Variants in PFKFB2 observed in about 807,000 individuals in gnomAD.
PFKFB2 encodes the protein 6-phosphofructo-2-kinase/fructose-2,6-biphosphatase 2.
Under a neutral mutation model 68.0 loss-of-function variants are expected in PFKFB2, and 53 were observed. That is an observed-to-expected ratio of 0.78 (90% CI 0.63 to 0.98). PFKFB2 has a LOEUF of 0.98. Among genes scored for constraint, PFKFB2 ranks in the 50% least tolerant of loss-of-function variants. The pLI is 0.00. For synonymous variants in PFKFB2, 222 were observed against 227.6 expected, an observed-to-expected ratio of 0.98 and a Z score of 0.22; for missense variants, 451 against 642.0, an observed-to-expected ratio of 0.70 and a Z score of 3.22.
intron 2 of PFKFB2, chr1:207,045,031 TG>T (rs1410722631): frequency 2.4e-4 from 37 of 152,672 alleles, no homozygotes; most frequent in African/African-American, 8.2e-4. Context: ...TGAAATGTGC[TG>T]AAATACTGTA....
chr1:207,073,107 G>A lies in PFKFB2; in HGVS notation c.*736G>A. On this transcript the variant is annotated 3_prime_UTR_variant, in exon 15 of 15. Coordinates refer to ENST00000367080, the MANE Select transcript of PFKFB2 (RefSeq NM_006212.2). ...ATTCTGGAGCTTGCAAGTAGACATA[G>A]GGTGAGAGTTCTTGCCTCCTTTCAT... is the stretch of plus-strand genomic sequence containing the variant. 1.0e-6 allele frequency: 1 copy of A among 985,518 alleles called. No individual in the cohort carries two copies. The highest frequency in any genetic ancestry group is 1.2e-6 in the Non-Finnish European group (1 of 829,982). The allele number at this position is 985,518 out of a possible 1,614,324, so 61.0% of individuals were successfully genotyped here.
At chr1:207,079,125 A>G, downstream of PFKFB2, 2 of 947,432 alleles carry the variant, frequency 2.1e-6, no homozygotes, top group Middle Eastern at 4.7e-4. Context: ...TGGGAACTGG[A>G]CTTTGGGGGC....
At chr1:207,056,387 C>G (rs114605640) in intron 2 of PFKFB2, among the ~76,000 whole-genome samples, 1 of 149,708 alleles carries the variant, frequency 6.7e-6, no homozygotes, top group African/African-American at 2.5e-5. Context: ...TAGGATGCAC[C>G]TCTTACAGGG....
chr1:207,051,112 T>G, upstream of PFKFB2: 1 of 1,427,968 alleles, frequency 7.0e-7, no homozygotes. Flanking sequence ...CGCGAACTCT[T>G]TTAAAGTGAC....
chr1:207,064,125 G>A (rs1199970927), intron 7 of PFKFB2, among the ~76,000 whole-genome samples: 6 of 152,138 alleles, frequency 3.9e-5, no homozygotes, highest in African/African-American at 9.7e-5. Context: ...TGTGCTCTAG[G>A]TATTATCTGG....
At position 207,069,535 on chromosome 1, in the gene PFKFB2, C is replaced by A. The variant is rs374573264; in HGVS notation, c.1092+7C>A. On this transcript the variant is annotated splice_region_variant and intron_variant, in intron 11 of 14. Transcript: ENST00000367080. ...TCGATATCCTGGTGGGGAGGTAAGA[C>A]GCCCCTGTCATGTAAAGTGACTGCC... 1 of 1,566,816 alleles carries A rather than the reference C, an allele frequency of 6.4e-7. No homozygotes were observed. The highest frequency in any genetic ancestry group is 8.8e-7 in the Non-Finnish European group (1 of 1,137,012).
chr1:207,053,750 G>A (rs1316446970), intron 1 of PFKFB2, among the ~76,000 whole-genome samples: 1 of 152,022 alleles, frequency 6.6e-6, no homozygotes, highest in African/African-American at 2.4e-5. Flanking sequence ...CTAGGGAGAG[G>A]GTGCGGAGCA....
chr1:207,074,527 CG>C lies in PFKFB2; in HGVS notation c.*2159del. The stretch of plus-strand genomic sequence containing the variant: ...ATCACTGGCAACTGACTCCTGACCC[CG>C]GGTCCTTTACTCGTATGTCCCAAGT... On this transcript the variant is annotated 3_prime_UTR_variant, in exon 15 of 15. Transcript: ENST00000367080. 1 of 985,382 alleles carries C rather than the reference CG, an allele frequency of 1.0e-6. No individual in the cohort carries two copies. Among genetic ancestry groups the C allele is most frequent in the African/African-American group, 1.7e-5 (1 of 57,332 alleles). The allele number at this position is 985,382 out of a possible 1,614,324, so 61.0% of individuals were successfully genotyped here.
At position 207,075,494 on chromosome 1, in the gene PFKFB2, C is replaced by T. The variant is rs1002329817; in HGVS notation, c.*3123C>T. On this transcript the variant is annotated 3_prime_UTR_variant, in exon 15 of 15. Transcript: ENST00000367080. ...TTTCTCTCCTGGTCTTACTTGAATG[C>T]ATGTTGGTAATCTGTATACATTACT... 1 of 985,290 alleles carries T rather than the reference C, an allele frequency of 1.0e-6. No homozygotes were observed. The highest frequency in any genetic ancestry group is 1.2e-6 in the Non-Finnish European group (1 of 829,802). The allele number at this position is 985,290 out of a possible 1,614,324, so 61.0% of individuals were successfully genotyped here.
At chr1:207,062,759 T>G (rs755760587) in intron 4 of PFKFB2, 43 bp downstream of exon 4, 12 of 1,577,420 alleles carry the variant, frequency 7.6e-6, no homozygotes, top group Non-Finnish European at 9.5e-6. Flanking sequence ...AGCTCTTTCT[T>G]GGCCGTCATG....
Position 207,076,357 on chromosome 1 carries a change from T to G in PFKFB2, c.*3986T>G. 1.0e-6 allele frequency: 1 copy of G among 985,250 alleles called. No individual in the cohort carries two copies. Among genetic ancestry groups the G allele is most frequent in the Non-Finnish European group, 1.2e-6 (1 of 829,902 alleles). The allele number at this position is 985,250 out of a possible 1,614,324, so 61.0% of individuals were successfully genotyped here. On this transcript the variant is annotated 3_prime_UTR_variant, in exon 15 of 15. Transcript: ENST00000367080. ...AAAAGTATCCAGTAATCAGAAGAAT[T>G]GTATCTGGGTTATGTAATCTTATGC...
rs1683204636 is a variant in PFKFB2, at chr1:207,063,938, T to C, written c.507+109T>C. The C allele has an allele frequency of 1.3e-6, 1 of 746,140 alleles. No individual in the cohort carries two copies. The highest frequency in any genetic ancestry group is 2.4e-6 in the Non-Finnish European group (1 of 425,488). 46.2% of individuals were successfully genotyped at this position (746,140 alleles called of 1,614,324 possible). A position where few individuals can be genotyped will look rare whatever the true frequency, so the allele number is the denominator to read the frequency against. On this transcript the variant is annotated intron_variant, in intron 7 of 14. Transcript: ENST00000367080. The surrounding 1 kb of genome is among the most constrained non-coding windows in gnomAD (Gnocchi z 4.1). The stretch of plus-strand genomic sequence containing the variant: ...GTGTTGTTGGGGAGGGGTGTTTTCG[T>C]AATGAAAGAGAGAAATAGACATGTT...
At position 207,075,727 on chromosome 1, in the gene PFKFB2, T is replaced by C. The variant is rs142279758; in HGVS notation, c.*3356T>C. ...TCACTTGAGACCAGCCTGGGCAATATAGTGAGACCTCACCTCTAAAAAAGT... is the reference window on the plus strand; with the variant it reads ...TCACTTGAGACCAGCCTGGGCAATACAGTGAGACCTCACCTCTAAAAAAGT... On this transcript the variant is annotated 3_prime_UTR_variant, in exon 15 of 15. Coordinates refer to ENST00000367080, the MANE Select transcript of PFKFB2 (RefSeq NM_006212.2). 2.1e-6 allele frequency: 2 copies of C among 971,644 alleles called. No homozygotes were observed. Among genetic ancestry groups the C allele is most frequent in the Non-Finnish European group, 2.4e-6 (2 of 817,402 alleles). 60.2% of individuals were successfully genotyped at this position (971,644 alleles called of 1,614,324 possible).
chr1:207,061,097 CTT>C lies in PFKFB2; in HGVS notation c.86-854_86-853del, dbSNP rs1371637701. On this transcript the variant is annotated intron_variant, in intron 2 of 14. Transcript: ENST00000367080. ...TATCTTTATATATCTTTATATATAT[CTT>C]TATATATATCTATATATCTTTATAT... Among the ~76,000 whole-genome samples, 299 of 69,894 alleles carry C rather than the reference CTT, an allele frequency of 4.3e-3. 4 individuals carry two copies. Among genetic ancestry groups the C allele is most frequent in the African/African-American group, 0.015 (241 of 16,348 alleles). 45.9% of individuals were successfully genotyped at this position (69,894 alleles called of 152,430 possible).
chr1:207,058,643 G>T (rs143927581), intron 2 of PFKFB2, among the ~76,000 whole-genome samples: 1 of 151,916 alleles, frequency 6.6e-6, no homozygotes, highest in Non-Finnish European at 1.5e-5. Flanking sequence ...TTTTGAGACC[G>T]GGTTATGAGA....
At chr1:207,056,829 T>A (rs1682936970) in intron 2 of PFKFB2, among the ~76,000 whole-genome samples, 1 of 152,174 alleles carries the variant, frequency 6.6e-6, no homozygotes, top group African/African-American at 2.4e-5. Context: ...GTTATGAGTA[T>A]ATGTGTTAAC....
In PFKFB2 at chr1:207,075,921, T is replaced by C; in HGVS notation, c.*3550T>C. On this transcript the variant is annotated 3_prime_UTR_variant, in exon 15 of 15. Transcript: ENST00000367080. ...ATTGTAATTTAGCTCTTATCTGTAT[T>C]GTTGTTTTGTTTTGGTAAAGGGATG... The C allele has an allele frequency of 2.0e-6, 2 of 985,204 alleles. No homozygotes were observed. Among genetic ancestry groups the C allele is most frequent in the Non-Finnish European group, 2.4e-6 (2 of 829,744 alleles). The allele number at this position is 985,204 out of a possible 1,614,324, so 61.0% of individuals were successfully genotyped here.
intron 2 of PFKFB2, among the ~76,000 whole-genome samples, chr1:207,042,443 G>A (rs534297711): frequency 6.6e-6 from 1 of 150,598 alleles, no homozygotes; most frequent in Admixed American, 6.6e-5. Context: ...AGCTACTTGG[G>A]AGGCTGAGGC....
At chr1:207,060,491 T>C (rs1683053641) in intron 2 of PFKFB2, among the ~76,000 whole-genome samples, 1 of 152,230 alleles carries the variant, frequency 6.6e-6, no homozygotes, top group Non-Finnish European at 1.5e-5. Flanking sequence ...AGAATGTGTA[T>C]CAAGTAAGCT....
Sources: gnomAD v4.1 joint callset for allele counts (sites outside exome capture counted in the v4.1 genomes callset) on GRCh38, gnomAD v4.1.1 for gene constraint, Gnocchi (gnomAD v3.1) non-coding constraint, MANE v1.5 for transcripts, NCBI Gene and HGNC (gene_info 2026-07-23, HGNC 2026-07-21) for gene names.